ZFAND3: variants seen among roughly 807,000 people sequenced by gnomAD.
ZFAND3 encodes the protein zinc finger AN1-type containing 3.
In ZFAND3, 10 loss-of-function variants were observed where a neutral mutation model predicts 29.6. The ratio of observed to expected loss-of-function variants is 0.34; its 90% CI spans 0.21 to 0.57. ZFAND3 has a LOEUF of 0.57. Ranked by LOEUF, ZFAND3 falls within the 20% of genes least tolerant of loss-of-function variation. The pLI is 0.86. For missense variants in ZFAND3, 230 were observed against 304.5 expected, an observed-to-expected ratio of 0.76 and a Z score of 1.82; for synonymous variants, 128 against 112.6, an observed-to-expected ratio of 1.14 and a Z score of -0.87.
Position 37,929,942 on chromosome 6 carries a change from CT to C in ZFAND3, c.72-12del. 3 of 1,585,054 alleles carry C rather than the reference CT, an allele frequency of 1.9e-6. No homozygotes were observed. Among genetic ancestry groups the C allele is most frequent in the Admixed American group, 1.7e-5 (1 of 57,356 alleles). On this transcript the variant is annotated splice_polypyrimidine_tract_variant and intron_variant, in intron 1 of 5. Transcript: ENST00000287218. ...TTTTTAGCTCTTCTTTCTTTCTTTT[CT>C]TTTTGTTTGCCCCAGGTCCAGCAAG...
intron 1 of ZFAND3, among the ~76,000 whole-genome samples, chr6:37,837,068 C>T (rs1763980949): frequency 6.6e-6 from 1 of 152,124 alleles, no homozygotes; most frequent in Non-Finnish European, 1.5e-5. Flanking sequence ...TTCCATGTCT[C>T]TCCCCCTCCC....
At chr6:37,924,121 G>A (rs1383405571) in intron 1 of ZFAND3, among the ~76,000 whole-genome samples, 1 of 151,998 alleles carries the variant, frequency 6.6e-6, no homozygotes, top group East Asian at 1.9e-4. Context: ...AAAAGTGTCT[G>A]CCACCTGTTA....
Position 38,112,291 on chromosome 6 carries a change from G to GA in ZFAND3, c.362-4274dup, listed in dbSNP as rs74628668. ...TATGTTCTCAAGTAAAAGCATACTG[G>GA]AAAAAAAGAATCTGCTTTGTTGGCC... is the stretch of plus-strand genomic sequence containing the variant. On this transcript the variant is annotated intron_variant, in intron 4 of 5. Transcript: ENST00000287218. 0.017 allele frequency among the ~76,000 whole-genome samples: 2,532 copies of GA among 152,242 alleles called. 254 individuals carry two copies. The East Asian group carries it at 0.28, about 17-fold the overall frequency.
At chr6:37,932,586 G>A (rs1264756659) in intron 2 of ZFAND3, among the ~76,000 whole-genome samples, 1 of 152,142 alleles carries the variant, frequency 6.6e-6, no homozygotes, top group Non-Finnish European at 1.5e-5. Context: ...GTAAAGTATG[G>A]CTTTGGGAGA....
intron 2 of ZFAND3, among the ~76,000 whole-genome samples, chr6:38,059,949 T>G (rs749281494): frequency 6.6e-6 from 1 of 152,220 alleles, no homozygotes; most frequent in Admixed American, 6.5e-5. Context: ...TTATTTTGTG[T>G]GAGCGTTACA....
chr6:37,890,295 G>A (rs1405809167), intron 1 of ZFAND3, among the ~76,000 whole-genome samples: 1 of 152,038 alleles, frequency 6.6e-6, no homozygotes, highest in Non-Finnish European at 1.5e-5. Flanking sequence ...GTCCCTATAG[G>A]TTGACTATTA....
intron 2 of ZFAND3, among the ~76,000 whole-genome samples, chr6:38,044,635 A>G (rs1763861399): frequency 6.6e-6 from 1 of 152,202 alleles, no homozygotes; most frequent in African/African-American, 2.4e-5. Context: ...AAACAGTATT[A>G]AAAGAGGAAT....
chr6:38,092,948 T>G (rs1186062215), intron 4 of ZFAND3, among the ~76,000 whole-genome samples: 1 of 152,202 alleles, frequency 6.6e-6, no homozygotes, highest in Non-Finnish European at 1.5e-5. Flanking sequence ...CTTCCTACTG[T>G]TAGAGATATT....
At chr6:37,836,798 A>G (rs1484373356) in intron 1 of ZFAND3, among the ~76,000 whole-genome samples, 1 of 152,164 alleles carries the variant, frequency 6.6e-6, no homozygotes, top group East Asian at 1.9e-4. Flanking sequence ...ATTTTTTAAA[A>G]AACTCTTGAA....
chr6:37,872,556 T>C (rs1272565963), intron 1 of ZFAND3, among the ~76,000 whole-genome samples: 1 of 152,162 alleles, frequency 6.6e-6, no homozygotes, highest in Non-Finnish European at 1.5e-5. Context: ...TTACTCCCAC[T>C]TGCCTCTCCA....
At chr6:38,041,675 TCTTCTTCTTCTCCTTCTC>T (rs1561976742) in intron 2 of ZFAND3, among the ~76,000 whole-genome samples, 21 of 22,070 alleles carry the variant, frequency 9.5e-4, no homozygotes, top group Admixed American at 3.0e-3. Context: ...TTCTTCTTCT[TCTTCTTCTTCTCCTTCTC>T]CTTCTCCTCC....
At chr6:37,862,723 C>CA (rs539325207) in intron 1 of ZFAND3, among the ~76,000 whole-genome samples, 3,366 of 143,722 alleles carry the variant, frequency 0.023, 45 homozygotes, top group Middle Eastern at 0.032. Flanking sequence ...CAAAACAAAA[C>CA]AAAAAAAAAA....
At chr6:37,960,566 C>T (rs1581793391) in intron 2 of ZFAND3, among the ~76,000 whole-genome samples, 1 of 152,162 alleles carries the variant, frequency 6.6e-6, no homozygotes, top group South Asian at 2.1e-4. Context: ...GATGTTCAAA[C>T]AACTACCTTA....
chr6:37,889,421 C>T (rs934699978), intron 1 of ZFAND3, among the ~76,000 whole-genome samples: 1 of 152,166 alleles, frequency 6.6e-6, no homozygotes, highest in Non-Finnish European at 1.5e-5. Flanking sequence ...TTTGATTTCT[C>T]CCCTGGCACT....
chr6:37,979,850 T>C (rs1762550756), intron 2 of ZFAND3, among the ~76,000 whole-genome samples: 1 of 152,228 alleles, frequency 6.6e-6, no homozygotes, highest in Non-Finnish European at 1.5e-5. Flanking sequence ...GCTTATTTCC[T>C]CAACTTACCA....
At chr6:38,023,729 G>C (rs988104870) in intron 2 of ZFAND3, among the ~76,000 whole-genome samples, 1 of 152,148 alleles carries the variant, frequency 6.6e-6, no homozygotes, top group African/African-American at 2.4e-5. Flanking sequence ...AACAATTCAA[G>C]AAGAAGAAAT....
At chr6:38,146,386 GGCCATGGAAAGTGGA>G (rs1201281608) in intron 5 of ZFAND3, among the ~76,000 whole-genome samples, 2 of 152,184 alleles carry the variant, frequency 1.3e-5, no homozygotes, top group Admixed American at 1.3e-4. Flanking sequence ...CAGTCCAGAG[GGCCATGGAAAGTGGA>G]GTCATGGAGC....
At chr6:38,012,459 A>G (rs879307627) in intron 2 of ZFAND3, among the ~76,000 whole-genome samples, 3 of 148,754 alleles carry the variant, frequency 2.0e-5, no homozygotes, top group East Asian at 4.0e-4. Context: ...GCTCACTGCA[A>G]CCTCCGCCTC....
chr6:37,993,530 T>G (rs1055075547), intron 2 of ZFAND3, among the ~76,000 whole-genome samples: 2 of 152,130 alleles, frequency 1.3e-5, no homozygotes, highest in Non-Finnish European at 2.9e-5. Flanking sequence ...TTTCACCATG[T>G]TGGCCAGGCT....
Sources: gnomAD v4.1 joint callset for allele counts (sites outside exome capture counted in the v4.1 genomes callset) on GRCh38, gnomAD v4.1.1 for gene constraint, MANE v1.5 for transcripts, NCBI Gene and HGNC (gene_info 2026-07-23, HGNC 2026-07-21) for gene names.